SLC25A26: variants seen among roughly 807,000 people sequenced by gnomAD.
SLC25A26 encodes the protein solute carrier family 25 member 26, also known as mitochondrial S-adenosylmethionine carrier protein.
In SLC25A26, 36 loss-of-function variants were observed where a neutral mutation model predicts 37.8. The observed-to-expected ratio is 0.95, with a 90% CI of 0.73 to 1.26. The LOEUF (loss-of-function observed/expected upper bound fraction) is 1.26, where lower values mean the gene tolerates loss of function less well. SLC25A26 is among the 50% of genes most tolerant of loss of function. The probability of loss-of-function intolerance (pLI) is 0.00; values close to 1 mark genes in which losing one functional copy is unlikely to be tolerated. For synonymous variants in SLC25A26, 129 were observed against 122.5 expected (o/e 1.05, Z -0.35); for missense variants, 390 against 331.1 (o/e 1.18, Z -1.38).
At chr3:66,289,123 T>C (rs897829050) in intron 5 of SLC25A26, among the ~76,000 whole-genome samples, 1 of 152,214 alleles carries the variant, frequency 6.6e-6, no homozygotes, top group Non-Finnish European at 1.5e-5. Context: ...CATAAATGTC[T>C]TTTTTTGAGA....
At chr3:66,210,351 G>A (rs2071267751) in intron 1 of SLC25A26, among the ~76,000 whole-genome samples, 1 of 152,018 alleles carries the variant, frequency 6.6e-6, no homozygotes, top group Non-Finnish European at 1.5e-5. Context: ...GTGATGTGAA[G>A]GAAAAGACAA....
Position 66,190,190 on chromosome 3 carries a change from C to A in SLC25A26, c.-353-30552C>A, listed in dbSNP as rs992105400. Among the ~76,000 whole-genome samples the A allele has an allele frequency of 7.9e-5, 12 of 152,080 alleles. No individual in the cohort carries two copies. In the East Asian group the frequency reaches 2.1e-3, roughly 27 times the overall value. On this transcript the variant is annotated intron_variant, in intron 1 of 10. Transcript: ENST00000676754. ...ATTAGCCAAATATGGCGGCATAAAC[C>A]TGTAGTTCCAGCTACTTGGGAGGCT...
At chr3:66,272,701 C>T (rs570942770) in intron 5 of SLC25A26, among the ~76,000 whole-genome samples, 1 of 152,084 alleles carries the variant, frequency 6.6e-6, no homozygotes, top group Non-Finnish European at 1.5e-5. Flanking sequence ...TTTGAAATTA[C>T]CTTCATTTCT....
chr3:66,323,336 C>T (rs955295301), intron 5 of SLC25A26, among the ~76,000 whole-genome samples: 3 of 152,220 alleles, frequency 2.0e-5, no homozygotes, highest in African/African-American at 4.8e-5. Context: ...AATTAATGTA[C>T]TGTGTCTAAA....
At chr3:66,264,638 T>C (rs1484843846) in intron 5 of SLC25A26, among the ~76,000 whole-genome samples, 3 of 152,196 alleles carry the variant, frequency 2.0e-5, no homozygotes, top group Non-Finnish European at 4.4e-5. Context: ...AGGTGGAACA[T>C]CTTAGGTGGA....
intron 1 of SLC25A26, among the ~76,000 whole-genome samples, chr3:66,180,118 T>C (rs1194589420): frequency 1.3e-5 from 2 of 152,188 alleles, no homozygotes; most frequent in African/African-American, 2.4e-5. Flanking sequence ...CTCTGTGAAG[T>C]AGGATTCAAG....
chr3:66,195,938 T>G (rs2071038212), intron 1 of SLC25A26, among the ~76,000 whole-genome samples: 1 of 152,242 alleles, frequency 6.6e-6, no homozygotes, highest in Admixed American at 6.5e-5. Flanking sequence ...ATATTGCTTG[T>G]CCGCCTTTTG....
At chr3:66,265,528 T>G (rs757793164) in intron 5 of SLC25A26, among the ~76,000 whole-genome samples, 7 of 152,210 alleles carry the variant, frequency 4.6e-5, no homozygotes, top group Non-Finnish European at 8.8e-5. Context: ...TTGGAGGTTC[T>G]GGTATACTGA....
intron 3 of SLC25A26, among the ~76,000 whole-genome samples, chr3:66,260,442 T>C (rs2073480425): frequency 6.6e-6 from 1 of 152,208 alleles, no homozygotes; most frequent in South Asian, 2.1e-4. Flanking sequence ...GAAATGGAAA[T>C]CAGATGATAT....
At chr3:66,314,943 T>G (rs1470552381) in intron 5 of SLC25A26, among the ~76,000 whole-genome samples, 5 of 152,076 alleles carry the variant, frequency 3.3e-5, no homozygotes, top group Non-Finnish European at 7.4e-5. Flanking sequence ...GATCATTGTT[T>G]GTATTTCTGT....
chr3:66,230,270 A>T (rs942097950), intron 1 of SLC25A26, among the ~76,000 whole-genome samples: 4 of 152,248 alleles, frequency 2.6e-5, no homozygotes, highest in Non-Finnish European at 5.9e-5. Flanking sequence ...ACAACATTAT[A>T]TACTAGAGTG....
chr3:66,252,515 C>G (rs1387839613), intron 3 of SLC25A26, among the ~76,000 whole-genome samples: 1 of 152,230 alleles, frequency 6.6e-6, no homozygotes, highest in South Asian at 2.1e-4. Flanking sequence ...CATTTACTTG[C>G]CTTCACTGAA....
chr3:66,372,026 G>C (rs114031830), intron 9 of SLC25A26, among the ~76,000 whole-genome samples: 2 of 152,174 alleles, frequency 1.3e-5, no homozygotes, highest in African/African-American at 4.8e-5. Context: ...CCGGGAAGTC[G>C]AGGTTATAGT....
At chr3:66,243,772 A>G (rs1247259309) in intron 3 of SLC25A26, among the ~76,000 whole-genome samples, 1 of 152,200 alleles carries the variant, frequency 6.6e-6, no homozygotes, top group Non-Finnish European at 1.5e-5. Flanking sequence ...GTATATGGTC[A>G]GGCACTGTTG....
intron 5 of SLC25A26, among the ~76,000 whole-genome samples, chr3:66,295,405 GTTTT>G (rs10672736): frequency 8.3e-6 from 1 of 120,974 alleles, no homozygotes. Flanking sequence ...TTGTATTTTT[GTTTT>G]TTTTTTTTTT....
At chr3:66,304,422 T>G (rs1269051720) in intron 5 of SLC25A26, 1 of 456,300 alleles carries the variant, frequency 2.2e-6, no homozygotes, top group Non-Finnish European at 4.4e-6. Context: ...TTCACATGTC[T>G]GTTGTCATAT....
intron 3 of SLC25A26, among the ~76,000 whole-genome samples, chr3:66,246,146 G>C (rs1482036): frequency 0.21 from 31,210 of 152,130 alleles, 6,329 homozygotes; most frequent in African/African-American, 0.52. Context: ...TCTGTTAGTA[G>C]TTGGTTTCTT....
chr3:66,375,346 G>A (rs1406995574), intron 9 of SLC25A26, among the ~76,000 whole-genome samples: 3 of 152,216 alleles, frequency 2.0e-5, no homozygotes, highest in Non-Finnish European at 4.4e-5. Flanking sequence ...GATCATCGAT[G>A]AAGGCACTAA....
chr3:66,282,262 C>T (rs1017649908), intron 5 of SLC25A26, among the ~76,000 whole-genome samples: 3 of 152,084 alleles, frequency 2.0e-5, no homozygotes, highest in Admixed American at 6.5e-5. Flanking sequence ...CCACCCGCCT[C>T]GGCCTCCCAA....
Sources: gnomAD v4.1 joint callset for allele counts (sites outside exome capture counted in the v4.1 genomes callset) on GRCh38, gnomAD v4.1.1 for gene constraint, MANE v1.5 for transcripts, NCBI Gene and HGNC (gene_info 2026-07-23, HGNC 2026-07-21) for gene names.